The following C2orf76 variants were observed in gnomAD, a reference collection of about 807,000 sequenced individuals.
C2orf76 encodes the protein chromosome 2 open reading frame 76.
C2orf76 carries 23 observed loss-of-function variants against 16.9 expected under a neutral mutation model. That is an observed-to-expected ratio of 1.36 (90% CI 0.98 to 1.93). C2orf76 has a LOEUF of 1.93. Among genes scored for constraint, C2orf76 ranks in the 30% most tolerant of loss-of-function variants. The probability of loss-of-function intolerance (pLI) is 0.00; values close to 1 mark genes in which losing one functional copy is unlikely to be tolerated. For missense variants in C2orf76, 152 were observed against 152.6 expected, an observed-to-expected ratio of 1.00 and a Z score of 0.02; for synonymous variants, 48 against 52.3, an observed-to-expected ratio of 0.92 and a Z score of 0.35.
intron 2 of C2orf76, among the ~76,000 whole-genome samples, chr2:119,322,126 A>G (rs1679364894): frequency 6.6e-6 from 1 of 151,994 alleles, no homozygotes; most frequent in African/African-American, 2.4e-5. Context: ...ATGTGTATAT[A>G]TATATATATC....
the C2orf76 span, among the ~76,000 whole-genome samples, chr2:119,290,167 TAAAGG>T: frequency 6.6e-6 from 1 of 151,578 alleles, no homozygotes; most frequent in Admixed American, 6.6e-5. Context: ...ATGCCCAAGC[TAAAGG>T]ACAGCTTCCA....
chr2:119,334,200 C>G (rs893494275), intron 2 of C2orf76, among the ~76,000 whole-genome samples: 2 of 151,962 alleles, frequency 1.3e-5, no homozygotes, highest in African/African-American at 4.8e-5. Flanking sequence ...AGAACAAAAT[C>G]AGTAGTTGCC....
At chr2:119,292,903 C>T in the C2orf76 span, among the ~76,000 whole-genome samples, 1 of 150,706 alleles carries the variant, frequency 6.6e-6, no homozygotes, top group Non-Finnish European at 1.5e-5. Flanking sequence ...GGTGTGGTGG[C>T]ATGCGCCTGT....
intron 2 of C2orf76, among the ~76,000 whole-genome samples, chr2:119,334,721 T>G (rs1354215632): frequency 6.6e-6 from 1 of 150,656 alleles, no homozygotes; most frequent in Non-Finnish European, 1.5e-5. Context: ...TATATATATA[T>G]TTAAGAAGTC....
chr2:119,326,825 CA>C (rs1679523192), intron 2 of C2orf76, among the ~76,000 whole-genome samples: 1 of 151,938 alleles, frequency 6.6e-6, no homozygotes, highest in East Asian at 1.9e-4. Flanking sequence ...GATGTTTTAT[CA>C]TTTTTTTTTC....
chr2:119,321,243 T>C (rs377605670), intron 2 of C2orf76, 39 bp from the exon 3 acceptor site: 23 of 1,057,524 alleles, frequency 2.2e-5, no homozygotes, highest in Middle Eastern at 2.1e-4. Flanking sequence ...AATAAGCAAA[T>C]AGACACTCAT....
chr2:119,322,041 A>G (rs1005518585), intron 2 of C2orf76, among the ~76,000 whole-genome samples: 1 of 152,140 alleles, frequency 6.6e-6, no homozygotes, highest in Non-Finnish European at 1.5e-5. Context: ...TCTTTTAAAA[A>G]CATATTCCAA....
chr2:119,324,122 A>G (rs774849740), intron 2 of C2orf76, among the ~76,000 whole-genome samples: 1 of 152,216 alleles, frequency 6.6e-6, no homozygotes, highest in African/African-American at 2.4e-5. Context: ...TGAATTAGAC[A>G]ATGAAACTCC....
At chr2:119,339,416 T>G (rs903884627) in intron 2 of C2orf76, among the ~76,000 whole-genome samples, 2 of 152,160 alleles carry the variant, frequency 1.3e-5, no homozygotes, top group Non-Finnish European at 2.9e-5. Context: ...GACTTCCTGC[T>G]GTACAGCCTC....
At chr2:119,341,726 A>C (rs1680037061) in intron 1 of C2orf76, among the ~76,000 whole-genome samples, 1 of 152,236 alleles carries the variant, frequency 6.6e-6, no homozygotes, top group African/African-American at 2.4e-5. Flanking sequence ...AAAAGTAAGT[A>C]CTAGAAAAAA....
intron 2 of C2orf76, among the ~76,000 whole-genome samples, chr2:119,328,910 A>G (rs1679590055): frequency 1.3e-5 from 2 of 152,126 alleles, no homozygotes; most frequent in African/African-American, 4.8e-5. Context: ...TCTTTCTGTT[A>G]TTGATTTCTA....
the C2orf76 span, among the ~76,000 whole-genome samples, chr2:119,294,844 G>A: frequency 1.4e-4 from 22 of 152,206 alleles, no homozygotes; most frequent in East Asian, 9.7e-4. Flanking sequence ...AAGGCGGAGC[G>A]CGGCAGGGTT....
At chr2:119,361,273 AG>A (rs1387940749) in intron 1 of C2orf76, among the ~76,000 whole-genome samples, 1 of 152,228 alleles carries the variant, frequency 6.6e-6, no homozygotes. Flanking sequence ...AAATTCCAGA[AG>A]TAAACACTCA....
chr2:119,309,873 G>A lies in C2orf76; in HGVS notation c.304+1749C>T, dbSNP rs1573622689. On this transcript the variant is annotated intron_variant, in intron 5 of 5. Coordinates refer to ENST00000334816, the MANE Select transcript of C2orf76 (RefSeq NM_001322331.2). ...GGCTTCTGTCTTTGAGCTCATGCTT[G>A]GAAAACTCTTCTCCTTCCCAAGATT... is the stretch of plus-strand genomic sequence containing the variant. 2.6e-5 allele frequency among the ~76,000 whole-genome samples: 4 copies of A among 152,112 alleles called. No individual in the cohort carries two copies. In the Middle Eastern group the frequency reaches 0.014, roughly 517 times the overall value.
chr2:119,290,379 C>T, the C2orf76 span, among the ~76,000 whole-genome samples: 3 of 151,976 alleles, frequency 2.0e-5, no homozygotes, highest in East Asian at 1.9e-4. Context: ...TATACAGGGA[C>T]GTTTTCCAAA....
At chr2:119,338,647 G>C (rs745306031) in intron 2 of C2orf76, among the ~76,000 whole-genome samples, 6 of 152,152 alleles carry the variant, frequency 3.9e-5, no homozygotes, top group Non-Finnish European at 8.8e-5. Context: ...GCTGAAGAAA[G>C]AGGCTGACAT....
At chr2:119,350,793 C>G (rs771785645) in intron 1 of C2orf76, among the ~76,000 whole-genome samples, 1 of 152,190 alleles carries the variant, frequency 6.6e-6, no homozygotes, top group East Asian at 1.9e-4. Context: ...CCAGTGGTTC[C>G]CCTTCCCAAG....
intron 1 of C2orf76, among the ~76,000 whole-genome samples, chr2:119,359,588 T>C (rs1395351558): frequency 6.6e-6 from 1 of 152,170 alleles, no homozygotes; most frequent in African/African-American, 2.4e-5. Context: ...GACTCCAACC[T>C]TCATGGATGA....
chr2:119,343,679 T>C, intron 1 of C2orf76, among the ~76,000 whole-genome samples: 1 of 152,166 alleles, frequency 6.6e-6, no homozygotes, highest in South Asian at 2.1e-4. Context: ...ATGCCTGTAG[T>C]CCCAGCTACT....
Sources: allele counts gnomAD v4.1 joint callset (sites outside exome capture counted in the v4.1 genomes callset), GRCh38; gene constraint gnomAD v4.1.1; transcripts MANE v1.5; gene names NCBI Gene and HGNC (gene_info 2026-07-23, HGNC 2026-07-21).